The following STPG2 variants were observed in gnomAD, a reference collection of about 807,000 sequenced individuals.
STPG2 encodes sperm-tail PG-rich repeat-containing protein 2.
STPG2 carries 56 observed loss-of-function variants against 54.2 expected under a neutral mutation model. The observed-to-expected ratio is 1.03, with a 90% confidence interval of 0.83 to 1.29. The LOEUF is 1.29. Ranked by LOEUF, STPG2 falls within the 50% of genes most tolerant of loss-of-function variation. The pLI, the probability that STPG2 is intolerant of heterozygous loss-of-function variation, is 0.00. For missense variants in STPG2, 596 were observed against 544.9 expected, an observed-to-expected ratio of 1.09 and a Z score of -0.93; for synonymous variants, 200 against 181.8, an observed-to-expected ratio of 1.10 and a Z score of -0.81.
At chr4:97,455,413 C>T (rs745761893) in intron 4 of STPG2, among the ~76,000 whole-genome samples, 16 of 151,932 alleles carry the variant, frequency 1.1e-4, no homozygotes, top group South Asian at 2.1e-4. Flanking sequence ...GAGACACAAG[C>T]GGCTGGATGT....
intron 9 of STPG2, among the ~76,000 whole-genome samples, chr4:97,822,688 C>G (rs545522552): frequency 6.6e-6 from 1 of 152,292 alleles, no homozygotes; most frequent in Non-Finnish European, 1.5e-5. Flanking sequence ...AAAGCAGGAG[C>G]AAGCACATTA....
intron 3 of STPG2, 94 bp downstream of exon 3, chr4:98,128,334 T>C: frequency 8.4e-7 from 1 of 1,197,030 alleles, no homozygotes. Context: ...GTGTAATCAT[T>C]TTTTTCTTGG....
intron 6 of STPG2, among the ~76,000 whole-genome samples, chr4:97,972,864 C>T (rs1468427740): frequency 6.6e-6 from 1 of 152,184 alleles, no homozygotes; most frequent in African/African-American, 2.4e-5. Flanking sequence ...TGAGACATGC[C>T]TTTCACCTTC....
At chr4:98,135,865 G>A (rs1447148988) in intron 1 of STPG2, among the ~76,000 whole-genome samples, 1 of 151,714 alleles carries the variant, frequency 6.6e-6, no homozygotes, top group Admixed American at 6.6e-5. Flanking sequence ...AATAGCCAGA[G>A]AACAAGAACC....
chr4:97,885,508 C>T (rs1201913959), intron 8 of STPG2, among the ~76,000 whole-genome samples: 2 of 152,150 alleles, frequency 1.3e-5, no homozygotes, highest in South Asian at 2.1e-4. Flanking sequence ...CAATTGACCA[C>T]ATTAAATCCA....
chr4:97,850,299 A>AAAATAAAT (rs35675294), intron 8 of STPG2, among the ~76,000 whole-genome samples: 21,834 of 106,698 alleles, frequency 0.2, 2,322 homozygotes, highest in East Asian at 0.41. Flanking sequence ...GAGGGAAAGA[A>AAAATAAAT]AAATAAATAA....
At chr4:97,684,639 C>T (rs574462371) in intron 10 of STPG2, among the ~76,000 whole-genome samples, 9 of 151,908 alleles carry the variant, frequency 5.9e-5, no homozygotes, top group African/African-American at 2.2e-4. Context: ...AACCATACAA[C>T]GTTTAAATAA....
At chr4:97,515,566 G>A (rs1051018193) in intron 4 of STPG2, among the ~76,000 whole-genome samples, 3 of 152,036 alleles carry the variant, frequency 2.0e-5, no homozygotes, top group Non-Finnish European at 4.4e-5. Flanking sequence ...TTTAAAACAG[G>A]AAGTTAGGAT....
At chr4:98,037,841 G>A (rs1294817338) in intron 5 of STPG2, among the ~76,000 whole-genome samples, 1 of 151,920 alleles carries the variant, frequency 6.6e-6, no homozygotes, top group African/African-American at 2.4e-5. Context: ...GATGTAATTT[G>A]CAACAGCAAA....
At chr4:97,914,482 A>G (rs1168321425) in intron 8 of STPG2, among the ~76,000 whole-genome samples, 1 of 152,146 alleles carries the variant, frequency 6.6e-6, no homozygotes, top group Non-Finnish European at 1.5e-5. Flanking sequence ...GTGTACAGTT[A>G]AGCAGTACTA....
rs546606855 is a variant in STPG2 at position 98,054,025 on chromosome 4, G to C, written c.612+51928C>G. Among the ~76,000 whole-genome samples the C allele has an allele frequency of 2.0e-5, 3 of 152,050 alleles. No individual in the cohort carries two copies. The East Asian group carries it at 5.8e-4, about 29-fold the overall frequency. On this transcript the variant is annotated intron_variant, in intron 5 of 10. Transcript: ENST00000295268. Reference sequence around the variant, plus strand: ...GTTTATCCTGAAGCCTCTAACTTCTGGCTAAATCTTTCTCTGGTCTCTTTA... The same window carrying C: ...GTTTATCCTGAAGCCTCTAACTTCTCGCTAAATCTTTCTCTGGTCTCTTTA...
In STPG2 at chr4:97,752,482, T is replaced by G. The variant is rs551576436; in HGVS notation, c.1205-39668A>C. On this transcript the variant is annotated intron_variant, in intron 9 of 10. Transcript: ENST00000295268. ...TTACTTCACTTTAATCTACCCTGTA[T>G]AGTGCCACTCATATAACTGTCCTCA... Among the ~76,000 whole-genome samples, 4 of 151,930 alleles carry G rather than the reference T, an allele frequency of 2.6e-5. No homozygotes were observed. In the South Asian group the frequency reaches 8.3e-4, roughly 31 times the overall value.
At chr4:97,581,689 C>T (rs1173580252) in intron 10 of STPG2, among the ~76,000 whole-genome samples, 1 of 152,004 alleles carries the variant, frequency 6.6e-6, no homozygotes, top group Non-Finnish European at 1.5e-5. Flanking sequence ...ATATTATGGT[C>T]AAACACAAAT....
At chr4:97,825,730 TG>T (rs1196280216) in intron 9 of STPG2, among the ~76,000 whole-genome samples, 1 of 152,132 alleles carries the variant, frequency 6.6e-6, no homozygotes, top group Non-Finnish European at 1.5e-5. Flanking sequence ...ATATTGTGTA[TG>T]TGAAATATAA....
chr4:98,119,079 T>C (rs138031124), intron 3 of STPG2, among the ~76,000 whole-genome samples: 163 of 152,262 alleles, frequency 1.1e-3, no homozygotes, highest in African/African-American at 3.6e-3. Flanking sequence ...ATGTTAAAAC[T>C]ATTAAGTGAG....
rs1737738140 is a variant in STPG2 at position 98,063,772 on chromosome 4, G to C, written c.612+42181C>G. Among the ~76,000 whole-genome samples the C allele has an allele frequency of 2.0e-5, 3 of 152,004 alleles. No homozygotes were observed. In the South Asian group the frequency reaches 6.2e-4, roughly 32 times the overall value. On this transcript the variant is annotated intron_variant, in intron 5 of 10. Coordinates refer to ENST00000295268, the MANE Select transcript of STPG2 (RefSeq NM_174952.3). The stretch of plus-strand genomic sequence containing the variant: ...AATGACAAGAAGCCCAGGAACAGTG[G>C]TTCACACCTGTAATCCCAGCACCTT...
intron 8 of STPG2, among the ~76,000 whole-genome samples, chr4:97,905,217 T>C (rs1731357712): frequency 6.6e-6 from 1 of 151,760 alleles, no homozygotes; most frequent in African/African-American, 2.4e-5. Flanking sequence ...AAAGGTCGGG[T>C]TACCCTCAAA....
At chr4:97,809,319 A>G (rs538729846) in intron 9 of STPG2, among the ~76,000 whole-genome samples, 1 of 152,310 alleles carries the variant, frequency 6.6e-6, no homozygotes, top group African/African-American at 2.4e-5. Flanking sequence ...TGAGTAAACT[A>G]GTTGTGACAG....
chr4:97,971,661 T>C (rs180706829), intron 7 of STPG2, among the ~76,000 whole-genome samples: 224 of 152,068 alleles, frequency 1.5e-3, no homozygotes, highest in African/African-American at 5.3e-3. Context: ...GGTGGCGGGC[T>C]GGGGGAGGGA....
Sources: gnomAD v4.1 joint callset for allele counts (sites outside exome capture counted in the v4.1 genomes callset) on GRCh38, gnomAD v4.1.1 for gene constraint, MANE v1.5 for transcripts, NCBI Gene and HGNC (gene_info 2026-07-23, HGNC 2026-07-21) for gene names.